Variants in MSRA observed in about 807,000 individuals in gnomAD.
The protein encoded by MSRA is methionine sulfoxide reductase A, also known as mitochondrial peptide methionine sulfoxide reductase.
Under a neutral mutation model 31.3 loss-of-function variants are expected in MSRA, and 54 were observed. The ratio of observed to expected loss-of-function variants is 1.73; its 90% CI spans 1.39 to 2.17. The LOEUF is 2.17. Among genes scored for constraint, MSRA ranks in the 30% most tolerant of loss-of-function variants. The pLI, the probability that MSRA is intolerant of heterozygous loss-of-function variation, is 0.00. For missense variants in MSRA, 507 were observed against 300.9 expected (o/e 1.69, Z -5.07); for synonymous variants, 169 against 116.5 (o/e 1.45, Z -2.90).
chr8:10,428,586 C>G lies in MSRA; in HGVS notation c.*274C>G. On this transcript the variant is annotated 3_prime_UTR_variant, in exon 6 of 6. Coordinates refer to ENST00000317173, the MANE Select transcript of MSRA (RefSeq NM_012331.5). ...AAGATAGCAGGGATGCTGTGTTCAC[C>G]CTTCTTGGTAGAAGCTAAGGTGTGA... 1 of 395,480 alleles carries G rather than the reference C, an allele frequency of 2.5e-6. No individual in the cohort carries two copies. The highest frequency in any genetic ancestry group is 6.5e-5 in the East Asian group (1 of 15,334). The allele number at this position is 395,480 out of a possible 1,614,324, so 24.5% of individuals were successfully genotyped here.
intron 5 of MSRA, among the ~76,000 whole-genome samples, chr8:10,378,654 C>G (rs891110258): frequency 6.6e-6 from 1 of 152,330 alleles, no homozygotes; most frequent in East Asian, 1.9e-4. Context: ...TTCACAGAGG[C>G]CATTCAACAG....
chr8:10,324,971 C>A (rs569818539), intron 5 of MSRA, among the ~76,000 whole-genome samples: 1 of 152,118 alleles, frequency 6.6e-6, no homozygotes, highest in Non-Finnish European at 1.5e-5. Flanking sequence ...AGGCACATGG[C>A]GTTGAGTGTA....
chr8:10,319,700 CAG>C (rs567104808), intron 4 of MSRA, among the ~76,000 whole-genome samples, 181 bp from the exon 5 acceptor site: 69 of 151,936 alleles, frequency 4.5e-4, no homozygotes, highest in African/African-American at 1.5e-3. Context: ...CAAATCAAAA[CAG>C]ATACATTTCA....
intron 2 of MSRA, among the ~76,000 whole-genome samples, chr8:10,222,472 A>C (rs1037878049): frequency 6.6e-6 from 1 of 152,158 alleles, no homozygotes; most frequent in Non-Finnish European, 1.5e-5. Flanking sequence ...TTACAACAAG[A>C]CTATTATATC....
intron 1 of MSRA, among the ~76,000 whole-genome samples, chr8:10,086,228 T>C (rs1798551876): frequency 6.6e-6 from 1 of 152,228 alleles, no homozygotes; most frequent in Non-Finnish European, 1.5e-5. Flanking sequence ...ATAGCCTTTC[T>C]AGTGGGTGAT....
At chr8:10,278,079 T>G (rs1470899136) in intron 3 of MSRA, among the ~76,000 whole-genome samples, 1 of 152,176 alleles carries the variant, frequency 6.6e-6, no homozygotes, top group Non-Finnish European at 1.5e-5. Flanking sequence ...GTTAAACACT[T>G]TATTATCACT....
intron 1 of MSRA, among the ~76,000 whole-genome samples, chr8:10,199,543 C>G (rs543765070): frequency 6.6e-6 from 1 of 151,902 alleles, no homozygotes; most frequent in African/African-American, 2.4e-5. Context: ...TGGCGTCGCT[C>G]TCTTGACCTC....
intron 5 of MSRA, among the ~76,000 whole-genome samples, chr8:10,387,685 A>T (rs1035632414): frequency 1.3e-5 from 2 of 152,182 alleles, no homozygotes; most frequent in African/African-American, 4.8e-5. Flanking sequence ...AATGTCTCGG[A>T]GCTGCTCTTG....
chr8:10,329,452 A>G (rs1238346792), intron 5 of MSRA, among the ~76,000 whole-genome samples: 1 of 152,152 alleles, frequency 6.6e-6, no homozygotes, highest in Non-Finnish European at 1.5e-5. Context: ...TCTCTCTAAT[A>G]AGGACACTGA....
At chr8:10,095,893 A>G (rs1444432166) in intron 1 of MSRA, 2 of 1,299,052 alleles carry the variant, frequency 1.5e-6, no homozygotes, top group Non-Finnish European at 2.0e-6. Flanking sequence ...ATGTATGATT[A>G]TACCATGAGA....
intron 1 of MSRA, among the ~76,000 whole-genome samples, chr8:10,084,250 C>T (rs768334953): frequency 6.6e-6 from 1 of 152,208 alleles, no homozygotes; most frequent in Non-Finnish European, 1.5e-5. Flanking sequence ...GCATTTCTGA[C>T]CTGGGCCTTA....
At chr8:10,171,143 C>G (rs1256931612) in intron 1 of MSRA, among the ~76,000 whole-genome samples, 2 of 152,168 alleles carry the variant, frequency 1.3e-5, no homozygotes, top group Non-Finnish European at 2.9e-5. Flanking sequence ...CCTCCTATAC[C>G]TTTAACATTT....
intron 1 of MSRA, among the ~76,000 whole-genome samples, chr8:10,172,444 C>T (rs570313120): frequency 6.6e-6 from 1 of 151,614 alleles, no homozygotes; most frequent in East Asian, 1.9e-4. Context: ...GTGGAAGTAG[C>T]AGGGCAGGGG....
chr8:10,219,805 CCAAA>C (rs1810323451), intron 2 of MSRA, among the ~76,000 whole-genome samples: 2 of 46,072 alleles, frequency 4.3e-5, no homozygotes, highest in Admixed American at 5.5e-4. Flanking sequence ...GACTCTGTCT[CCAAA>C]AAAAAAAAAA....
At chr8:10,419,223 G>C (rs903029037) in intron 5 of MSRA, among the ~76,000 whole-genome samples, 1 of 152,158 alleles carries the variant, frequency 6.6e-6, no homozygotes, top group African/African-American at 2.4e-5. Context: ...TCGCAGGACA[G>C]AACACTCGGC....
intron 1 of MSRA, among the ~76,000 whole-genome samples, chr8:10,081,357 G>A (rs769757934): frequency 1.3e-5 from 2 of 152,202 alleles, no homozygotes; most frequent in African/African-American, 2.4e-5. Context: ...CCATGGGAAC[G>A]TGAAGCTATC....
intron 5 of MSRA, among the ~76,000 whole-genome samples, chr8:10,424,811 C>G (rs936037337): frequency 3.3e-5 from 5 of 152,192 alleles, no homozygotes; most frequent in African/African-American, 9.6e-5. Context: ...GGGCAGTGCA[C>G]TCTTTGAAGA....
chr8:10,310,880 T>C (rs1042047046), intron 4 of MSRA, among the ~76,000 whole-genome samples: 2 of 152,244 alleles, frequency 1.3e-5, no homozygotes, highest in Non-Finnish European at 2.9e-5. Flanking sequence ...AAACTCTTTG[T>C]GATGTCCATT....
Position 10,054,294 on chromosome 8 carries a change from C to A in MSRA, c.-223C>A, listed in dbSNP as rs1330602570. The A allele has an allele frequency of 2.9e-6, 1 of 350,260 alleles. No individual in the cohort carries two copies. The highest frequency in any genetic ancestry group is 5.0e-6 in the Non-Finnish European group (1 of 199,724). 21.7% of individuals were successfully genotyped at this position (350,260 alleles called of 1,614,324 possible). A position where few individuals can be genotyped will look rare whatever the true frequency, so the allele number is the denominator to read the frequency against. On this transcript the variant is annotated 5_prime_UTR_variant, in exon 1 of 6. Coordinates refer to ENST00000317173, the MANE Select transcript of MSRA (RefSeq NM_012331.5). ...GAACTCGCCGGGCCACACCCCCTGT[C>A]CAGGGAAGGAACACGCCCCCGGTGA...
Sources: gnomAD v4.1 joint callset for allele counts (sites outside exome capture counted in the v4.1 genomes callset) on GRCh38, gnomAD v4.1.1 for gene constraint, MANE v1.5 for transcripts, NCBI Gene and HGNC (gene_info 2026-07-23, HGNC 2026-07-21) for gene names.